SHANK2: variants seen among roughly 807,000 people sequenced by gnomAD.
SHANK2 encodes the protein SH3 and multiple ankyrin repeat domains protein 2.
Under a neutral mutation model 133.7 loss-of-function variants are expected in SHANK2, and 43 were observed. That is an observed-to-expected ratio of 0.32 (90% CI 0.25 to 0.41). SHANK2 has a LOEUF of 0.41. Ranked by LOEUF, SHANK2 falls within the 10% of genes least tolerant of loss-of-function variation. SHANK2 has a pLI of 1.00. For synonymous variants in SHANK2, 1,017 were observed against 952.8 expected, an observed-to-expected ratio of 1.07 and a Z score of -1.24; for missense variants, 1,994 against 2,235.8, an observed-to-expected ratio of 0.89 and a Z score of 2.18.
At chr11:70,573,707 C>T (rs918849980) in intron 17 of SHANK2, among the ~76,000 whole-genome samples, 6 of 152,170 alleles carry the variant, frequency 3.9e-5, no homozygotes, top group Non-Finnish European at 8.8e-5. Context: ...CCCCTGGCTG[C>T]CCCTGAGGGT....
chr11:70,698,900 A>G lies in SHANK2; in HGVS notation c.1778-137T>C, dbSNP rs1217837792. On this transcript the variant is annotated intron_variant, in intron 14 of 25. Transcript: ENST00000601538. ...TGCACTGTCCTGGGGAAGAGTCTGG[A>G]GGAAAATGAGGCCTGGTTCTGGGGC... 17 of 696,078 alleles carry G rather than the reference A, an allele frequency of 2.4e-5. No homozygotes were observed. In the African/African-American group the frequency reaches 3.0e-4, roughly 12 times the overall value. 43.1% of individuals were successfully genotyped at this position (696,078 alleles called of 1,614,324 possible).
At chr11:70,668,777 C>T (rs1944732282) in intron 15 of SHANK2, 1 of 152,356 alleles carries the variant, frequency 6.6e-6, no homozygotes, top group Non-Finnish European at 1.5e-5. Context: ...AAGAACATTC[C>T]AGACAGAGTG....
intron 2 of SHANK2, among the ~76,000 whole-genome samples, chr11:71,170,021 A>T (rs782319193): frequency 1.5e-4 from 13 of 86,622 alleles, no homozygotes; most frequent in Non-Finnish European, 2.4e-4. Context: ...ATCTTTTTTT[A>T]AAAAAAGATA....
chr11:70,954,246 G>T (rs1169370128), intron 10 of SHANK2, among the ~76,000 whole-genome samples: 1 of 152,240 alleles, frequency 6.6e-6, no homozygotes, highest in African/African-American at 2.4e-5. Context: ...GGAGGGAAGA[G>T]AAGGGTCCGC....
At chr11:71,190,491 A>G (rs782550668) in intron 2 of SHANK2, among the ~76,000 whole-genome samples, 4 of 152,164 alleles carry the variant, frequency 2.6e-5, no homozygotes, top group Non-Finnish European at 5.9e-5. Context: ...ACCACTTCTC[A>G]GAAGAAGTGT....
At chr11:70,655,951 A>G (rs1353777116) in intron 17 of SHANK2, among the ~76,000 whole-genome samples, 1 of 151,998 alleles carries the variant, frequency 6.6e-6, no homozygotes, top group Non-Finnish European at 1.5e-5. Flanking sequence ...GGTTTCTATA[A>G]CCCTCAGGTG....
intron 9 of SHANK2, among the ~76,000 whole-genome samples, chr11:71,063,068 G>C (rs1162837911): frequency 6.7e-6 from 1 of 150,174 alleles, no homozygotes. Context: ...AGGAAGGAAG[G>C]GAGGGAGAAA....
At position 70,830,269 on chromosome 11, in the gene SHANK2, T is replaced by C. The variant is rs1948707158; in HGVS notation, c.1175-9587A>G. Among the ~76,000 whole-genome samples the C allele has an allele frequency of 6.6e-6, 1 of 152,226 alleles. No homozygotes were observed. Among genetic ancestry groups the C allele is most frequent in the African/African-American group, 2.4e-5 (1 of 41,452 alleles). On this transcript the variant is annotated intron_variant, in intron 11 of 25. Coordinates refer to ENST00000601538, the MANE Select transcript of SHANK2 (RefSeq NM_012309.5). This position sits in a 1 kb window ranked among gnomAD's most constrained non-coding sequence, Gnocchi z 4.4. ...CCTCCTGCCCCTCGTTTTATGAGCA[T>C]GTCCGTGGCCTGAAGCCTGCCCTGC...
At chr11:70,574,718 G>C (rs565672257) in intron 17 of SHANK2, among the ~76,000 whole-genome samples, 2 of 152,212 alleles carry the variant, frequency 1.3e-5, no homozygotes, top group African/African-American at 4.8e-5. Flanking sequence ...GGACCAGGCC[G>C]TTCTGCAGCA....
chr11:70,480,122 T>C (rs2058714486), intron 25 of SHANK2, among the ~76,000 whole-genome samples: 1 of 152,214 alleles, frequency 6.6e-6, no homozygotes, highest in Admixed American at 6.5e-5. Flanking sequence ...CTCATGCCCA[T>C]TACCTGCAAG....
intron 10 of SHANK2, among the ~76,000 whole-genome samples, chr11:70,898,282 G>GCGCACACACA (rs1555076083): frequency 6.6e-5 from 9 of 135,422 alleles, no homozygotes; most frequent in Non-Finnish European, 1.2e-4. Flanking sequence ...ATACACACAC[G>GCGCACACACA]CACACACACA....
At chr11:70,529,327 A>G (rs1234817527) in intron 17 of SHANK2, among the ~76,000 whole-genome samples, 2 of 152,234 alleles carry the variant, frequency 1.3e-5, no homozygotes, top group Non-Finnish European at 2.9e-5. Context: ...CTGGGCCCAG[A>G]GAAGGCGGGT....
intron 6 of SHANK2, among the ~76,000 whole-genome samples, chr11:71,102,694 T>C (rs1951735416): frequency 6.6e-6 from 1 of 152,218 alleles, no homozygotes; most frequent in East Asian, 1.9e-4. Flanking sequence ...GCCTGGGTCA[T>C]CCACGTCCAG....
chr11:70,626,171 G>A (rs377648742), intron 17 of SHANK2, among the ~76,000 whole-genome samples: 1 of 152,172 alleles, frequency 6.6e-6, no homozygotes, highest in Non-Finnish European at 1.5e-5. Flanking sequence ...CAGCAGCACC[G>A]TTTGCTGGGC....
Position 70,901,416 on chromosome 11 carries a change from C to T in SHANK2, c.1108-4849G>A, listed in dbSNP as rs567495107. Among the ~76,000 whole-genome samples the T allele has an allele frequency of 2.6e-5, 4 of 152,234 alleles. No homozygotes were observed. In the South Asian group the frequency reaches 8.3e-4, roughly 32 times the overall value. On this transcript the variant is annotated intron_variant, in intron 10 of 25. Transcript: ENST00000601538. ...ATCTTCTATGGTGAAAAGTGCCCTG[C>T]GCAGGGGAAGGACTAGTCCTGTAAG...
At chr11:70,910,275 T>C (rs1397613779) in intron 10 of SHANK2, among the ~76,000 whole-genome samples, 2 of 152,174 alleles carry the variant, frequency 1.3e-5, no homozygotes, top group Non-Finnish European at 2.9e-5. Flanking sequence ...GTACGCAGAA[T>C]CTCTTTGCCT....
In SHANK2 at chr11:71,234,393, A is replaced by AT. The variant is rs1954796942; in HGVS notation, c.-112-9598dup. On this transcript the variant is annotated intron_variant, in intron 1 of 25. Transcript: ENST00000601538. Reference sequence around the variant, plus strand: ...AATAAATAAATAAATAAATAAATAAATAAATAAATAACAACAAAATGTTAG... The same window carrying AT: ...AATAAATAAATAAATAAATAAATAAATTAAATAAATAACAACAAAATGTTAG... Among the ~76,000 whole-genome samples, 3 of 151,152 alleles carry AT rather than the reference A, an allele frequency of 2.0e-5. No homozygotes were observed. In the South Asian group the frequency reaches 6.2e-4, roughly 31 times the overall value.
chr11:71,062,599 C>T (rs1951000782), intron 9 of SHANK2, among the ~76,000 whole-genome samples: 1 of 152,164 alleles, frequency 6.6e-6, no homozygotes, highest in African/African-American at 2.4e-5. Context: ...CTGAGAGTGG[C>T]CTGGCGAATT....
chr11:70,908,118 TTAA>T (rs1950135825), intron 10 of SHANK2: 2 of 267,136 alleles, frequency 7.5e-6, no homozygotes, highest in Non-Finnish European at 7.6e-6. Context: ...AAAAAAAATC[TTAA>T]TAAACTGGGA....
Sources: allele counts gnomAD v4.1 joint callset (sites outside exome capture counted in the v4.1 genomes callset), GRCh38; gene constraint gnomAD v4.1.1; non-coding constraint Gnocchi (gnomAD v3.1); transcripts MANE v1.5; gene names NCBI Gene and HGNC (gene_info 2026-07-23, HGNC 2026-07-21).